The following KLHL6 variants were observed in gnomAD, a reference collection of about 807,000 sequenced individuals.
The protein encoded by KLHL6 is kelch-like protein 6.
A neutral mutation model predicts 58.6 loss-of-function variants in KLHL6; 41 were observed. That is an observed-to-expected ratio of 0.70 (90% CI 0.55 to 0.91). The LOEUF (loss-of-function observed/expected upper bound fraction) is 0.91, where lower values mean the gene tolerates loss of function less well. KLHL6 is among the 40% of genes least tolerant of loss of function. KLHL6 has a pLI of 0.00. For missense variants in KLHL6, 714 were observed against 805.6 expected, an observed-to-expected ratio of 0.89 and a Z score of 1.38; for synonymous variants, 338 against 322.7, an observed-to-expected ratio of 1.05 and a Z score of -0.51.
rs1341102255 is a variant in KLHL6 at position 183,492,127 on chromosome 3, A to G, written c.1666T>C (p.Cys556Arg). Residue 556 changes from cysteine (C) to arginine (R), a missense_variant, in exon 7 of 7, where the codon TGC (cysteine) becomes CGC (arginine). Cys to Arg is a radical substitution (Grantham distance 180). Around this residue, in one of 2 missense-constraint regions of KLHL6, gnomAD observed 510 missense variants for 629.7 expected, o/e 0.81. Coordinates refer to ENST00000341319, the MANE Select transcript of KLHL6 (RefSeq NM_130446.4). This position sits in a 1 kb window ranked among gnomAD's most constrained non-coding sequence, Gnocchi z 5.9. ...CCGGTGATGTAGAGCCGGTTGTTGC[A>G]GGGCGCGATACCGCAGCTGGCCCGC... ...HERASCGIAP[C>R]NNRLYITGGR... 6.2e-7 allele frequency: 1 copy of G among 1,613,750 alleles called. No homozygotes were observed. Among genetic ancestry groups the G allele is most frequent in the Non-Finnish European group, 8.5e-7 (1 of 1,180,014 alleles).
intron 2 of KLHL6, among the ~76,000 whole-genome samples, chr3:183,518,578 C>T (rs1711633903): frequency 6.6e-6 from 1 of 152,186 alleles, no homozygotes; most frequent in Non-Finnish European, 1.5e-5. Context: ...CTGTATTTTA[C>T]AACCTATAGG....
intron 2 of KLHL6, among the ~76,000 whole-genome samples, chr3:183,517,852 T>G (rs967885536): frequency 6.6e-6 from 1 of 152,156 alleles, no homozygotes; most frequent in Non-Finnish European, 1.5e-5. Flanking sequence ...TGATTGCATC[T>G]CGGACATGAT....
chr3:183,494,203 A>G lies in KLHL6; in HGVS notation c.1226T>C (p.Ile409Thr), dbSNP rs1205856345. 4 of 1,614,084 alleles carry G rather than the reference A, an allele frequency of 2.5e-6. No homozygotes were observed. Among genetic ancestry groups the G allele is most frequent in the African/African-American group, 1.3e-5 (1 of 75,048 alleles). The stretch of plus-strand genomic sequence containing the variant: ...CACCATCTTATGCCTCCAGCGGCCT[A>G]TGTTTAAATACTCAATCTGAATCCA... ...NKWIQIEYLN[I>T]GRWRHKMVVL... The change falls in exon 5 of 7, where the codon ATA becomes ACA. Residue 409 changes from isoleucine to threonine, a missense_variant. Ile to Thr is a moderately conservative substitution (Grantham distance 89). Around this residue, in one of 2 missense-constraint regions of KLHL6, gnomAD observed 510 missense variants for 629.7 expected, o/e 0.81. Coordinates refer to ENST00000341319, the MANE Select transcript of KLHL6 (RefSeq NM_130446.4).
intron 1 of KLHL6, among the ~76,000 whole-genome samples, chr3:183,540,081 T>C (rs1053849106): frequency 2.6e-5 from 4 of 152,178 alleles, no homozygotes; most frequent in East Asian, 1.9e-4. Flanking sequence ...AGATCTTCCG[T>C]TGGGAAACAC....
chr3:183,503,245 G>C (rs927619518), intron 3 of KLHL6, among the ~76,000 whole-genome samples: 1 of 152,222 alleles, frequency 6.6e-6, no homozygotes, highest in South Asian at 2.1e-4. Flanking sequence ...CCTTGGGCTG[G>C]AGCCTCTGCT....
At chr3:183,521,698 T>G (rs1711766987) in intron 2 of KLHL6, 1 of 150,282 alleles carries the variant, frequency 6.7e-6, no homozygotes, top group Non-Finnish European at 1.5e-5. Context: ...CCTGATTTTT[T>G]TTTTTTTTTT....
rs1405466724 is a variant in KLHL6, at chr3:183,508,047, T to C, written c.909+12A>G. The C allele has an allele frequency of 3.1e-6, 5 of 1,609,468 alleles. No individual in the cohort carries two copies. The highest frequency in any genetic ancestry group is 1.3e-5 in the African/African-American group (1 of 74,786). On this transcript the variant is annotated intron_variant, in intron 3 of 6. Coordinates refer to ENST00000341319, the MANE Select transcript of KLHL6 (RefSeq NM_130446.4). ...CGCTGGTTAAATATAGCACCTCTTA[T>C]CTTCTACTCACCTCATTGCCAGAAA...
rs530898935 is a variant in KLHL6 at position 183,489,046 on chromosome 3, T to G, written c.*2881A>C. The G allele has an allele frequency of 9.8e-5, 15 of 152,336 alleles. No homozygotes were observed. Among genetic ancestry groups the G allele is most frequent in the African/African-American group, 3.6e-4 (15 of 41,570 alleles). The allele number at this position is 152,336 out of a possible 1,614,324, so 9.4% of individuals were successfully genotyped here. On this transcript the variant is annotated 3_prime_UTR_variant, in exon 7 of 7. Transcript: ENST00000341319. ...AGAAACTTGGGTCCTACATTTAGAA[T>G]CAGGTTTATAGCACAGAAATCCCAA...
intron 2 of KLHL6, among the ~76,000 whole-genome samples, chr3:183,516,480 A>G (rs1466422401): frequency 6.6e-6 from 1 of 152,248 alleles, no homozygotes; most frequent in African/African-American, 2.4e-5. Flanking sequence ...AAAAGGTTGC[A>G]GCCAGCCACC....
chr3:183,543,381 G>C (rs1712617996), intron 1 of KLHL6, among the ~76,000 whole-genome samples: 1 of 151,982 alleles, frequency 6.6e-6, no homozygotes. Flanking sequence ...AGGAGCATGG[G>C]AGGAGTGAGG....
intron 2 of KLHL6, among the ~76,000 whole-genome samples, chr3:183,509,985 T>C (rs1389384846): frequency 6.6e-6 from 1 of 152,234 alleles, no homozygotes; most frequent in East Asian, 1.9e-4. Context: ...TGTAAAATTA[T>C]TGATTGGCTC....
Position 183,492,363 on chromosome 3 carries a change from T to C in KLHL6, c.1564+131A>G, listed in dbSNP as rs1717586375. ...AGAAACAGTCGATTGATGGCTCTCC[T>C]GAAAGCCAGAGTGGGTCCTAGGGGC... On this transcript the variant is annotated intron_variant, in intron 6 of 6. Coordinates refer to ENST00000341319, the MANE Select transcript of KLHL6 (RefSeq NM_130446.4). This position sits in a 1 kb window ranked among gnomAD's most constrained non-coding sequence, Gnocchi z 5.9. 15 of 1,299,564 alleles carry C rather than the reference T, an allele frequency of 1.2e-5. No individual in the cohort carries two copies. In the South Asian group the frequency reaches 2.0e-4, roughly 17 times the overall value. The allele number at this position is 1,299,564 out of a possible 1,614,324, so 80.5% of individuals were successfully genotyped here.
intron 1 of KLHL6, among the ~76,000 whole-genome samples, chr3:183,532,910 A>G (rs1466555549): frequency 1.3e-5 from 2 of 152,224 alleles, no homozygotes; most frequent in Admixed American, 6.5e-5. Context: ...GATGGGTGCC[A>G]CTAGAGTCAA....
intron 3 of KLHL6, among the ~76,000 whole-genome samples, chr3:183,505,615 A>G (rs1717978511): frequency 6.6e-6 from 1 of 152,184 alleles, no homozygotes; most frequent in Admixed American, 6.5e-5. Flanking sequence ...TTTGAGAAAA[A>G]TCAATAAAAT....
intron 2 of KLHL6, among the ~76,000 whole-genome samples, chr3:183,510,628 A>C (rs1052083314): frequency 6.6e-6 from 1 of 152,098 alleles, no homozygotes; most frequent in Non-Finnish European, 1.5e-5. Flanking sequence ...TAATCCCAGC[A>C]CTTTGGGAGG....
intron 1 of KLHL6, among the ~76,000 whole-genome samples, chr3:183,539,711 A>T (rs1250966232): frequency 1.3e-5 from 2 of 151,372 alleles, no homozygotes; most frequent in African/African-American, 4.9e-5. Context: ...TCCATCTCAA[A>T]AAAAAAAAAC....
At chr3:183,505,423 C>A (rs1388723559) in intron 3 of KLHL6, among the ~76,000 whole-genome samples, 1 of 152,066 alleles carries the variant, frequency 6.6e-6, no homozygotes, top group Non-Finnish European at 1.5e-5. Flanking sequence ...AGCATGAAAG[C>A]CAATATTAGA....
intron 2 of KLHL6, chr3:183,521,404 A>C (rs1711753723): frequency 6.6e-6 from 1 of 152,206 alleles, no homozygotes; most frequent in Admixed American, 6.6e-5. Flanking sequence ...CTTGCCCCCG[A>C]CACACTCGCA....
chr3:183,537,884 T>C (rs1262563694), intron 1 of KLHL6, among the ~76,000 whole-genome samples: 1 of 152,120 alleles, frequency 6.6e-6, no homozygotes, highest in Non-Finnish European at 1.5e-5. Context: ...TTAATTATTG[T>C]CACCCCACTA....
Sources: allele counts gnomAD v4.1 joint callset (sites outside exome capture counted in the v4.1 genomes callset), GRCh38; gene constraint gnomAD v4.1.1; regional missense constraint gnomAD v4.1.1; non-coding constraint Gnocchi (gnomAD v3.1); transcripts MANE v1.5; gene names NCBI Gene and HGNC (gene_info 2026-07-23, HGNC 2026-07-21).